The following NXPH1 variants were observed in gnomAD, a reference collection of about 807,000 sequenced individuals.
NXPH1 encodes the protein neurexophilin-1.
A neutral mutation model predicts 23.7 loss-of-function variants in NXPH1; 5 were observed. The observed-to-expected ratio is 0.21, with a 90% CI of 0.11 to 0.44. The LOEUF is 0.44. Among genes scored for constraint, NXPH1 ranks in the 20% least tolerant of loss-of-function variants. The pLI is 0.99. For synonymous variants in NXPH1, 144 were observed against 122.2 expected, an observed-to-expected ratio of 1.18 and a Z score of -1.18; for missense variants, 324 against 321.6, an observed-to-expected ratio of 1.01 and a Z score of -0.06.
chr7:8,532,288 A>C (rs1024968345), intron 2 of NXPH1, among the ~76,000 whole-genome samples: 36 of 152,104 alleles, frequency 2.4e-4, no homozygotes, highest in African/African-American at 7.7e-4. Context: ...CACAGGATAT[A>C]ATTAAATCTA....
intron 2 of NXPH1, among the ~76,000 whole-genome samples, chr7:8,474,939 G>C (rs1428620511): frequency 6.6e-6 from 1 of 152,086 alleles, no homozygotes; most frequent in East Asian, 1.9e-4. Flanking sequence ...CAGAATGAAT[G>C]CTCCTGAGGC....
intron 2 of NXPH1, among the ~76,000 whole-genome samples, chr7:8,652,445 G>T (rs186254445): frequency 6.6e-6 from 1 of 151,818 alleles, no homozygotes; most frequent in African/African-American, 2.4e-5. Flanking sequence ...TTTCCATATC[G>T]ATAAATGTGC....
At chr7:8,716,982 C>T (rs1779888848) in intron 2 of NXPH1, among the ~76,000 whole-genome samples, 1 of 152,164 alleles carries the variant, frequency 6.6e-6, no homozygotes, top group Non-Finnish European at 1.5e-5. Context: ...TCTGGTGCCC[C>T]AGTACCCACC....
intron 2 of NXPH1, among the ~76,000 whole-genome samples, chr7:8,508,430 G>A (rs774518614): frequency 7.2e-5 from 11 of 151,994 alleles, no homozygotes; most frequent in East Asian, 5.8e-4. Context: ...AATATCTGTC[G>A]CATATATCTG....
chr7:8,644,585 A>G (rs1820365974), intron 2 of NXPH1, among the ~76,000 whole-genome samples: 1 of 151,082 alleles, frequency 6.6e-6, no homozygotes, highest in African/African-American at 2.4e-5. Context: ...ATTTTTTTTT[A>G]GCCATATTGG....
At chr7:8,545,670 A>G (rs1426684930) in intron 2 of NXPH1, among the ~76,000 whole-genome samples, 1 of 151,584 alleles carries the variant, frequency 6.6e-6, no homozygotes, top group African/African-American at 2.4e-5. Context: ...TTTAAAGGAA[A>G]TACTCAGCTT....
chr7:8,725,853 A>C (rs895280240), intron 2 of NXPH1, among the ~76,000 whole-genome samples: 8 of 103,626 alleles, frequency 7.7e-5, no homozygotes, highest in African/African-American at 2.3e-4. Context: ...AGCACCTGGA[A>C]AGTTCTGAGC....
chr7:8,504,722 T>G (rs1228303205), intron 2 of NXPH1, among the ~76,000 whole-genome samples: 1 of 152,008 alleles, frequency 6.6e-6, no homozygotes, highest in East Asian at 1.9e-4. Flanking sequence ...GGGTAATTGA[T>G]TCATGAGGAT....
chr7:8,585,326 CCTGGGAGTGGGGAGTTCAACTGAAGCT>C (rs144116860), intron 2 of NXPH1, among the ~76,000 whole-genome samples: 6,909 of 152,150 alleles, frequency 0.045, 447 homozygotes, highest in African/African-American at 0.14. Flanking sequence ...GCTTGCTCTG[CCTGGGAGTGGGGAGTTCAACTGAAGCT>C]TTGTGTTTTT....
chr7:8,704,463 A>G (rs1227996640), intron 2 of NXPH1, among the ~76,000 whole-genome samples: 2 of 152,128 alleles, frequency 1.3e-5, no homozygotes, highest in Non-Finnish European at 2.9e-5. Flanking sequence ...GACAAATAGA[A>G]TGCCCCAGAA....
chr7:8,502,584 G>A (rs1391281810), intron 2 of NXPH1, among the ~76,000 whole-genome samples: 1 of 151,792 alleles, frequency 6.6e-6, no homozygotes, highest in African/African-American at 2.4e-5. Flanking sequence ...TTGGAGTAAT[G>A]AGGGATTGGC....
chr7:8,496,670 C>G (rs1817343289), intron 2 of NXPH1, among the ~76,000 whole-genome samples: 1 of 152,046 alleles, frequency 6.6e-6, no homozygotes. Flanking sequence ...TCCCAGAACT[C>G]AGGGAGAGGG....
intron 2 of NXPH1, among the ~76,000 whole-genome samples, chr7:8,471,167 C>A (rs111512005): frequency 6.6e-6 from 1 of 151,910 alleles, no homozygotes; most frequent in Non-Finnish European, 1.5e-5. Flanking sequence ...GTGGAACTGC[C>A]GAGTTTAGCG....
Position 8,614,602 on chromosome 7 carries a change from A to T in NXPH1, c.55-136406A>T, listed in dbSNP as rs374696095. Among the ~76,000 whole-genome samples, 17 of 152,144 alleles carry T rather than the reference A, an allele frequency of 1.1e-4. No individual in the cohort carries two copies. In the East Asian group the frequency reaches 3.1e-3, roughly 28 times the overall value. ...CATTTAGAGATAGAGACATATCCATATACATATATGTAGGTATGTATATGT... is the reference window on the plus strand; with the variant it reads ...CATTTAGAGATAGAGACATATCCATTTACATATATGTAGGTATGTATATGT... On this transcript the variant is annotated intron_variant, in intron 2 of 2. Transcript: ENST00000405863.
At chr7:8,625,664 T>C (rs1819972006) in intron 2 of NXPH1, among the ~76,000 whole-genome samples, 1 of 152,136 alleles carries the variant, frequency 6.6e-6, no homozygotes, top group African/African-American at 2.4e-5. Flanking sequence ...TCAGAACTTT[T>C]ACCAGAGGTT....
intron 2 of NXPH1, among the ~76,000 whole-genome samples, chr7:8,573,097 T>C (rs551633995): frequency 5.2e-4 from 79 of 152,138 alleles, no homozygotes; most frequent in Non-Finnish European, 9.4e-4. Context: ...GTTTTTTTTT[T>C]TTTACCCAGT....
intron 2 of NXPH1, among the ~76,000 whole-genome samples, chr7:8,716,858 T>C (rs1779886354): frequency 6.6e-6 from 1 of 152,214 alleles, no homozygotes; most frequent in Non-Finnish European, 1.5e-5. Flanking sequence ...TTCCTCCCAC[T>C]GCTGCATGGG....
intron 2 of NXPH1, among the ~76,000 whole-genome samples, chr7:8,719,511 A>G (rs552622811): frequency 6.6e-6 from 1 of 152,370 alleles, no homozygotes; most frequent in South Asian, 2.1e-4. Context: ...ATTTATGTGC[A>G]AAGTCATAAT....
chr7:8,436,396 A>G (rs1483068465), intron 2 of NXPH1, among the ~76,000 whole-genome samples: 1 of 152,076 alleles, frequency 6.6e-6, no homozygotes, highest in East Asian at 1.9e-4. Flanking sequence ...ACTAAATCCC[A>G]TCTCCAGTGA....
Sources: gnomAD v4.1 joint callset for allele counts (sites outside exome capture counted in the v4.1 genomes callset) on GRCh38, gnomAD v4.1.1 for gene constraint, MANE v1.5 for transcripts, NCBI Gene and HGNC (gene_info 2026-07-23, HGNC 2026-07-21) for gene names.